Variants in PELI2 observed in about 807,000 individuals in gnomAD.
The protein encoded by PELI2 is pellino E3 ubiquitin protein ligase family member 2, also known as E3 ubiquitin-protein ligase pellino homolog 2.
A neutral mutation model predicts 42.3 loss-of-function variants in PELI2; 23 were observed. The ratio of observed to expected loss-of-function variants is 0.54; its 90% CI spans 0.39 to 0.77. PELI2 has a LOEUF of 0.77. Among genes scored for constraint, PELI2 ranks in the 30% least tolerant of loss-of-function variants. The pLI is 0.00. For synonymous variants in PELI2, 245 were observed against 212.2 expected (o/e 1.15, Z -1.34); for missense variants, 463 against 553.2 (o/e 0.84, Z 1.64).
At chr14:56,162,018 A>G (rs7141889) in intron 1 of PELI2, among the ~76,000 whole-genome samples, 25,869 of 152,064 alleles carry the variant, frequency 0.17, 3,863 homozygotes, top group African/African-American at 0.4. Context: ...AGGTGTATAT[A>G]TTTAGGGGTA....
intron 2 of PELI2, among the ~76,000 whole-genome samples, chr14:56,209,534 A>G (rs111416596): frequency 8.0e-6 from 1 of 125,236 alleles, no homozygotes. Flanking sequence ...GGTTTTTTTA[A>G]TAAAATATTT....
intron 1 of PELI2, among the ~76,000 whole-genome samples, chr14:56,174,822 G>T (rs1227719527): frequency 1.3e-5 from 2 of 152,114 alleles, no homozygotes; most frequent in African/African-American, 4.8e-5. Flanking sequence ...GTGTGAGAAT[G>T]GACTAATACA....
At chr14:56,292,521 A>G (rs901025634) in intron 5 of PELI2, among the ~76,000 whole-genome samples, 1 of 152,224 alleles carries the variant, frequency 6.6e-6, no homozygotes, top group Non-Finnish European at 1.5e-5. Flanking sequence ...AGTACTTGTC[A>G]TTTGCAGTCT....
chr14:56,256,567 TAAATA>T (rs1888533803), intron 2 of PELI2, among the ~76,000 whole-genome samples: 1 of 152,212 alleles, frequency 6.6e-6, no homozygotes, highest in African/African-American at 2.4e-5. Flanking sequence ...GAATTCTTAT[TAAATA>T]AATTTTTTTA....
intron 1 of PELI2, among the ~76,000 whole-genome samples, chr14:56,168,993 G>A (rs1337962374): frequency 6.6e-6 from 1 of 152,090 alleles, no homozygotes; most frequent in East Asian, 1.9e-4. Context: ...CCTGGAATGG[G>A]GACCTCATGA....
intron 1 of PELI2, among the ~76,000 whole-genome samples, chr14:56,131,560 C>T (rs1883483637): frequency 2.0e-5 from 3 of 152,182 alleles, no homozygotes; most frequent in Non-Finnish European, 4.4e-5. Context: ...ATGTAATAAG[C>T]GACACAAGGG....
intron 2 of PELI2, among the ~76,000 whole-genome samples, chr14:56,228,340 A>G (rs1331065943): frequency 1.3e-5 from 2 of 152,312 alleles, no homozygotes; most frequent in East Asian, 3.9e-4. Flanking sequence ...ATGTAGATCC[A>G]TAGCTGTTGG....
chr14:56,154,452 G>T (rs904216906), intron 1 of PELI2, among the ~76,000 whole-genome samples: 1 of 152,146 alleles, frequency 6.6e-6, no homozygotes, highest in Admixed American at 6.5e-5. Flanking sequence ...GAGCTCTCAC[G>T]AGATCTGTTG....
intron 2 of PELI2, among the ~76,000 whole-genome samples, chr14:56,266,399 T>A (rs923942629): frequency 2.0e-5 from 3 of 151,990 alleles, no homozygotes; most frequent in African/African-American, 4.8e-5. Context: ...AGAGTGCCTG[T>A]GTCAATAAGA....
intron 2 of PELI2, among the ~76,000 whole-genome samples, chr14:56,227,618 G>GTA (rs1566649932): frequency 6.6e-6 from 1 of 151,662 alleles, no homozygotes; most frequent in East Asian, 1.9e-4. Flanking sequence ...AGACTTACAT[G>GTA]TAGTCTCTAG....
intron 1 of PELI2, among the ~76,000 whole-genome samples, chr14:56,121,795 C>A (rs1180907916): frequency 6.6e-6 from 1 of 152,170 alleles, no homozygotes; most frequent in African/African-American, 2.4e-5. Flanking sequence ...CTTCAAGAGC[C>A]CTTCCTGGTC....
At chr14:56,218,645 G>A (rs1382114696) in intron 2 of PELI2, among the ~76,000 whole-genome samples, 1 of 152,136 alleles carries the variant, frequency 6.6e-6, no homozygotes, top group East Asian at 1.9e-4. Flanking sequence ...TTATTGTTGC[G>A]GGTAATGCCT....
intron 2 of PELI2, among the ~76,000 whole-genome samples, chr14:56,218,390 G>A (rs1886988835): frequency 6.6e-6 from 1 of 152,240 alleles, no homozygotes; most frequent in African/African-American, 2.4e-5. Context: ...CTAGAGCAAA[G>A]AAGTAGTTCC....
chr14:56,283,291 T>C (rs1594713229), intron 3 of PELI2, among the ~76,000 whole-genome samples: 1 of 152,210 alleles, frequency 6.6e-6, no homozygotes, highest in African/African-American at 2.4e-5. Context: ...TATTTTGTCA[T>C]ACAGAATATC....
At chr14:56,235,880 A>T (rs1199893883) in intron 2 of PELI2, among the ~76,000 whole-genome samples, 5 of 152,186 alleles carry the variant, frequency 3.3e-5, no homozygotes, top group Admixed American at 1.3e-4. Context: ...CAAAGGCATA[A>T]CCTAGCTGGT....
At chr14:56,280,251 G>C (rs79945580) in intron 3 of PELI2, among the ~76,000 whole-genome samples, 1 of 151,810 alleles carries the variant, frequency 6.6e-6, no homozygotes, top group Admixed American at 6.6e-5. Flanking sequence ...AAAGAAAGAA[G>C]ATCAAGGGAC....
intron 1 of PELI2, among the ~76,000 whole-genome samples, chr14:56,141,911 G>A (rs547765597): frequency 1.2e-4 from 19 of 152,286 alleles, no homozygotes; most frequent in African/African-American, 3.4e-4. Flanking sequence ...TCCTTGTAGC[G>A]TTGTACAAAG....
intron 1 of PELI2, among the ~76,000 whole-genome samples, chr14:56,157,465 T>G (rs1309112505): frequency 3.3e-5 from 5 of 152,234 alleles, no homozygotes; most frequent in Non-Finnish European, 7.3e-5. Flanking sequence ...ATACACAATG[T>G]AAAGCTGTGA....
intron 2 of PELI2, among the ~76,000 whole-genome samples, chr14:56,234,273 A>G (rs758533011): frequency 3.3e-5 from 5 of 152,224 alleles, no homozygotes; most frequent in Admixed American, 1.3e-4. Context: ...AGGAGTATGA[A>G]TCATGCTGCT....
Sources: allele counts gnomAD v4.1 joint callset (sites outside exome capture counted in the v4.1 genomes callset), GRCh38; gene constraint gnomAD v4.1.1; transcripts MANE v1.5; gene names NCBI Gene and HGNC (gene_info 2026-07-23, HGNC 2026-07-21).